Variants in FLCN observed in about 807,000 individuals in gnomAD.
FLCN encodes the protein BHD skin lesion fibrofolliculoma protein.
FLCN carries 22 observed loss-of-function variants against 62.5 expected under a neutral mutation model. The observed-to-expected ratio is 0.35, with a 90% CI of 0.25 to 0.50. The LOEUF (loss-of-function observed/expected upper bound fraction) is 0.50. FLCN is among the 20% of genes least tolerant of loss of function. The probability of loss-of-function intolerance (pLI) is 0.97; values close to 1 mark genes in which losing one functional copy is unlikely to be tolerated. For synonymous variants in FLCN, 319 were observed against 310.0 expected, an observed-to-expected ratio of 1.03 and a Z score of -0.30; for missense variants, 657 against 778.0, an observed-to-expected ratio of 0.84 and a Z score of 1.85.
intron 7 of FLCN, among the ~76,000 whole-genome samples, 188 bp from the exon 8 acceptor site, chr17:17,221,816 G>A (rs1027154026): frequency 2.6e-5 from 4 of 152,200 alleles, no homozygotes; most frequent in Non-Finnish European, 4.4e-5. Context: ...TCAATAGATG[G>A]ATGGGAGGAA....
Position 17,213,332 on chromosome 17 carries a change from C to A in FLCN, c.*323G>T, listed in dbSNP as rs571999061. On this transcript the variant is annotated 3_prime_UTR_variant, in exon 14 of 14. Coordinates refer to ENST00000285071, the MANE Select transcript of FLCN (RefSeq NM_144997.7). ...TACTGAGTCGGACCTGTTTCTCCTGCGGGTTTTGAGTCTAAGTCCACAAGG... is the reference window on the plus strand; with the variant it reads ...TACTGAGTCGGACCTGTTTCTCCTGAGGGTTTTGAGTCTAAGTCCACAAGG... 3 of 504,592 alleles carry A rather than the reference C, an allele frequency of 5.9e-6. No individual in the cohort carries two copies. The highest frequency in any genetic ancestry group is 1.9e-5 in the African/African-American group (1 of 52,464). The allele number at this position is 504,592 out of a possible 1,614,324, so 31.3% of individuals were successfully genotyped here. A position where few individuals can be genotyped will look rare whatever the true frequency, so the allele number is the denominator to read the frequency against.
intron 6 of FLCN, 121 bp from the exon 7 acceptor site, chr17:17,222,782 T>C: frequency 8.6e-7 from 1 of 1,169,304 alleles, no homozygotes; most frequent in Non-Finnish European, 1.2e-6. Flanking sequence ...CTATACTCTC[T>C]CCATGCAGAG....
chr17:17,234,890 T>C lies in FLCN; in HGVS notation c.-227-1989A>G, dbSNP rs566330779. ...ACTTTGGGAGGCCGAGGTGGGCAGA[T>C]CACGAGGTCAGGAGATTGAGACCAT... On this transcript the variant is annotated intron_variant, in intron 1 of 13. Coordinates refer to ENST00000285071, the MANE Select transcript of FLCN (RefSeq NM_144997.7). Among the ~76,000 whole-genome samples the C allele has an allele frequency of 4.6e-5, 7 of 151,668 alleles. No individual in the cohort carries two copies. The South Asian group carries it at 1.0e-3, about 23-fold the overall frequency.
chr17:17,234,783 C>T (rs1243820594), intron 1 of FLCN, among the ~76,000 whole-genome samples: 5 of 151,086 alleles, frequency 3.3e-5, no homozygotes, highest in Non-Finnish European at 7.4e-5. Context: ...CGAGACCAGC[C>T]TGGCCAACAT....
At chr17:17,234,133 G>A (rs1199727398) in intron 1 of FLCN, among the ~76,000 whole-genome samples, 1 of 151,856 alleles carries the variant, frequency 6.6e-6, no homozygotes, top group Non-Finnish European at 1.5e-5. Context: ...TCAAGCAGGA[G>A]AGGGAAACCA....
chr17:17,231,164 C>T (rs2047410139), intron 3 of FLCN, among the ~76,000 whole-genome samples: 1 of 152,200 alleles, frequency 6.6e-6, no homozygotes, highest in African/African-American at 2.4e-5. Flanking sequence ...TGCGCAACTG[C>T]AGTCCAGCCT....
At position 17,224,154 on chromosome 17, in the gene FLCN, A is replaced by G; in HGVS notation, c.397-11T>C. The G allele has an allele frequency of 6.4e-7, 1 of 1,571,346 alleles. No individual in the cohort carries two copies. Among genetic ancestry groups the G allele is most frequent in the Non-Finnish European group, 8.6e-7 (1 of 1,157,354 alleles). On this transcript the variant is annotated splice_polypyrimidine_tract_variant and intron_variant, in intron 5 of 13. Coordinates refer to ENST00000285071, the MANE Select transcript of FLCN (RefSeq NM_144997.7). The stretch of plus-strand genomic sequence containing the variant: ...ACGGCCAGGGCAGACCTGGAGGGAC[A>G]CCGGCGACTCAGACAGCCCTTTCCT...
At chr17:17,236,158 C>T (rs2047576263) in intron 1 of FLCN, 2 of 152,210 alleles carry the variant, frequency 1.3e-5, no homozygotes, top group Admixed American at 1.3e-4. Context: ...CACTGGGGAG[C>T]CTCATTAAGT....
chr17:17,218,970 G>C, intron 9 of FLCN, 49 bp downstream of exon 9: 1 of 1,598,940 alleles, frequency 6.3e-7, no homozygotes, highest in Non-Finnish European at 8.5e-7. Flanking sequence ...GACAGCCCAT[G>C]ACTGGCTCTC....
At position 17,219,201 on chromosome 17, in the gene FLCN, C is replaced by G; in HGVS notation, c.880G>C (p.Glu294Gln). 1 of 1,614,030 alleles carries G rather than the reference C, an allele frequency of 6.2e-7. No homozygotes were observed. The highest frequency in any genetic ancestry group is 8.5e-7 in the Non-Finnish European group (1 of 1,180,040). Residue 294 changes from glutamate to glutamine, a missense_variant, in exon 9 of 14, where the codon GAG becomes CAG. By Grantham distance (29) the Glu-to-Gln change is conservative (BLOSUM62 2). Coordinates refer to ENST00000285071, the MANE Select transcript of FLCN (RefSeq NM_144997.7). ...VQMEKLADLE[E>Q]ESESWDNSEA... ...GAGTTGTCCCAGCTTTCTGATTCCT[C>G]TTCTAAATCTGCAAGACAGATGACA...
Position 17,216,253 on chromosome 17 carries a change from G to C in FLCN, c.1300+127C>G. On this transcript the variant is annotated intron_variant, in intron 11 of 13. Coordinates refer to ENST00000285071, the MANE Select transcript of FLCN (RefSeq NM_144997.7). The surrounding 1 kb of genome is among the most constrained non-coding windows in gnomAD (Gnocchi z 4.0). Reference sequence around the variant, plus strand: ...TAGAACACGGAGGCCCAGAGCCATGGGGGAAGCTGGCCCTGCAATGAGGCC... The same window carrying C: ...TAGAACACGGAGGCCCAGAGCCATGCGGGAAGCTGGCCCTGCAATGAGGCC... 7.2e-7 allele frequency: 1 copy of C among 1,381,696 alleles called. No individual in the cohort carries two copies. The highest frequency in any genetic ancestry group is 1.3e-5 in the South Asian group (1 of 74,390). 85.6% of individuals were successfully genotyped at this position (1,381,696 alleles called of 1,614,324 possible). A position where few individuals can be genotyped will look rare whatever the true frequency, so the allele number is the denominator to read the frequency against.
chr17:17,216,331 G>A lies in FLCN; in HGVS notation c.1300+49C>T, dbSNP rs1178016653. On this transcript the variant is annotated intron_variant, in intron 11 of 13. Transcript: ENST00000285071. The surrounding 1 kb of genome is among the most constrained non-coding windows in gnomAD (Gnocchi z 4.0). ...TGGTTCCACTTTGGGCCTGAGGCGT[G>A]GGGAACCTCAGCGCAGGGCATGGCC... The A allele has an allele frequency of 1.2e-6, 2 of 1,609,504 alleles. No individual in the cohort carries two copies. The highest frequency in any genetic ancestry group is 1.1e-5 in the South Asian group (1 of 90,754).
intron 9 of FLCN, among the ~76,000 whole-genome samples, chr17:17,218,386 CTTTT>C (rs11464784): frequency 2.3e-5 from 3 of 129,952 alleles, no homozygotes; most frequent in South Asian, 2.4e-4. Flanking sequence ...CCATCACTTT[CTTTT>C]TTTTTTTTTT....
intron 3 of FLCN, among the ~76,000 whole-genome samples, chr17:17,230,010 G>C (rs2047373398): frequency 6.6e-6 from 1 of 152,210 alleles, no homozygotes; most frequent in Non-Finnish European, 1.5e-5. Context: ...ACGAATGCAG[G>C]AAAGCCAGAG....
At chr17:17,222,788 C>A in intron 6 of FLCN, 127 bp from the exon 7 acceptor site, 6 of 1,100,874 alleles carry the variant, frequency 5.5e-6, no homozygotes, top group Non-Finnish European at 5.4e-6. Context: ...TCTCTCCATG[C>A]AGAGCACACA....
At chr17:17,223,594 C>T (rs951200163) in intron 6 of FLCN, among the ~76,000 whole-genome samples, 1 of 152,188 alleles carries the variant, frequency 6.6e-6, no homozygotes, top group Admixed American at 6.5e-5. Context: ...GGCCTACATT[C>T]GGTGGTGCAA....
rs1555607217 is a variant in FLCN, at chr17:17,215,259, C to T, written c.1358G>A (p.Gly453Glu). 1 of 1,614,058 alleles carries T rather than the reference C, an allele frequency of 6.2e-7. No individual in the cohort carries two copies. Reference sequence around the variant, plus strand: ...GCTGAGAGACTGGTCATCCTCACACCCCACAGGGTGGAGGGTGGAACGTGC... The same window carrying T: ...GCTGAGAGACTGGTCATCCTCACACTCCACAGGGTGGAGGGTGGAACGTGC... ...AAARSTLHPV[G>E]CEDDQSLSKY... Residue 453 changes from glycine (G) to glutamate (E), a missense_variant, in exon 12 of 14, where the codon GGG (glycine) becomes GAG (glutamate). Coordinates refer to ENST00000285071, the MANE Select transcript of FLCN (RefSeq NM_144997.7).
intron 8 of FLCN, chr17:17,220,072 G>A (rs2047045797): frequency 6.6e-6 from 1 of 152,074 alleles, no homozygotes; most frequent in Non-Finnish European, 1.5e-5. Flanking sequence ...TTGAGACAGT[G>A]TCTCGCTCTG....
chr17:17,231,042 C>T (rs2047405896), intron 3 of FLCN, among the ~76,000 whole-genome samples: 1 of 148,506 alleles, frequency 6.7e-6, no homozygotes. Context: ...ACTACAAGTA[C>T]AAAAAAAATT....
Sources: gnomAD v4.1 joint callset for allele counts (sites outside exome capture counted in the v4.1 genomes callset) on GRCh38, gnomAD v4.1.1 for gene constraint, Gnocchi (gnomAD v3.1) non-coding constraint, MANE v1.5 for transcripts, NCBI Gene and HGNC (gene_info 2026-07-23, HGNC 2026-07-21) for gene names.